RAP1GAP2: variants seen among roughly 807,000 people sequenced by gnomAD.
RAP1GAP2 encodes the protein rap1 GTPase-activating protein 2.
Under a neutral mutation model 95.0 loss-of-function variants are expected in RAP1GAP2, and 27 were observed. That is an observed-to-expected ratio of 0.28 (90% CI 0.21 to 0.39). RAP1GAP2 has a LOEUF of 0.39. Ranked by LOEUF, RAP1GAP2 falls within the 10% of genes least tolerant of loss-of-function variation. The pLI is 1.00. For missense variants in RAP1GAP2, 771 were observed against 970.0 expected (o/e 0.79, Z 2.72); for synonymous variants, 373 against 380.9 (o/e 0.98, Z 0.24).
intron 3 of RAP1GAP2, among the ~76,000 whole-genome samples, chr17:2,937,001 G>A (rs948914374): frequency 3.9e-5 from 6 of 152,226 alleles, no homozygotes; most frequent in African/African-American, 1.4e-4. Context: ...CAGATGAAAT[G>A]GGGGAAACAG....
In RAP1GAP2 at chr17:3,026,934, C is replaced by G. The variant is rs1402029720; in HGVS notation, c.1981-10C>G. On this transcript the variant is annotated splice_polypyrimidine_tract_variant and intron_variant, in intron 21 of 24. Transcript: ENST00000254695. The stretch of plus-strand genomic sequence containing the variant: ...TGGGCTGGCCTCGCTCACCCTGCCT[C>G]TCTCCTCAGGGCAGCCAGCCGTCCA... 1 of 1,550,116 alleles carries G rather than the reference C, an allele frequency of 6.5e-7. No individual in the cohort carries two copies. Among genetic ancestry groups the G allele is most frequent in the Non-Finnish European group, 8.7e-7 (1 of 1,146,260 alleles).
intron 2 of RAP1GAP2, among the ~76,000 whole-genome samples, chr17:2,817,809 C>T (rs1306402924): frequency 8.3e-6 from 1 of 121,212 alleles, no homozygotes; most frequent in African/African-American, 2.7e-5. Flanking sequence ...GCATGAGCCA[C>T]TGCGTCTGGC....
At chr17:2,771,489 T>TG (rs1370418841) in intron 2 of RAP1GAP2, among the ~76,000 whole-genome samples, 7 of 149,966 alleles carry the variant, frequency 4.7e-5, no homozygotes, top group East Asian at 1.9e-4. Flanking sequence ...CTTTTTTGTT[T>TG]TTTTTTTTTG....
chr17:2,963,284 G>C lies in RAP1GAP2; in HGVS notation c.247-146G>C. The C allele has an allele frequency of 1.1e-6, 1 of 903,382 alleles. No homozygotes were observed. Among genetic ancestry groups the C allele is most frequent in the Non-Finnish European group, 1.8e-6 (1 of 550,768 alleles). 56.0% of individuals were successfully genotyped at this position (903,382 alleles called of 1,614,324 possible). ...AGAACATGGGGGATGTTAGATTCCA[G>C]AGCTGATTCTGAGCTGTTCTTCCAT... On this transcript the variant is annotated intron_variant, in intron 5 of 24. Transcript: ENST00000254695. The surrounding 1 kb of genome is among the most constrained non-coding windows in gnomAD (Gnocchi z 4.8).
rs1225185208 is a variant in RAP1GAP2, at chr17:2,855,431, G to T, written c.81-49853G>T. The stretch of plus-strand genomic sequence containing the variant: ...AAGAGAGAGCAGACCTCCGGCTCCC[G>T]GTCCTCTGAGTGGGGAACAGTTGCC... On this transcript the variant is annotated intron_variant, in intron 2 of 24. Coordinates refer to ENST00000254695, the MANE Select transcript of RAP1GAP2 (RefSeq NM_015085.5). This position sits in a 1 kb window ranked among gnomAD's most constrained non-coding sequence, Gnocchi z 4.3. Among the ~76,000 whole-genome samples the T allele has an allele frequency of 1.3e-5, 2 of 152,070 alleles. No individual in the cohort carries two copies. Among genetic ancestry groups the T allele is most frequent in the East Asian group, 3.8e-4 (2 of 5,198 alleles).
At chr17:2,962,079 T>G (rs1388896751) in intron 4 of RAP1GAP2, among the ~76,000 whole-genome samples, 1 of 152,002 alleles carries the variant, frequency 6.6e-6, no homozygotes, top group Non-Finnish European at 1.5e-5. Flanking sequence ...ATTTTGTATT[T>G]TTAGTAGAGA....
At chr17:2,919,423 C>T (rs1225428338) in intron 3 of RAP1GAP2, among the ~76,000 whole-genome samples, 4 of 152,180 alleles carry the variant, frequency 2.6e-5, no homozygotes, top group African/African-American at 4.8e-5. Context: ...CCAAGGCTGG[C>T]GTTGGAATGA....
chr17:3,031,801 G>A (rs1208022411), intron 23 of RAP1GAP2, among the ~76,000 whole-genome samples: 1 of 139,692 alleles, frequency 7.2e-6, no homozygotes, highest in Admixed American at 7.1e-5. Context: ...GAGGTGGGAA[G>A]GGCTGGTTCC....
chr17:2,904,739 C>A lies in RAP1GAP2; in HGVS notation c.81-545C>A, dbSNP rs1466877268. Among the ~76,000 whole-genome samples, 1 of 152,090 alleles carries A rather than the reference C, an allele frequency of 6.6e-6. No individual in the cohort carries two copies. The highest frequency in any genetic ancestry group is 1.5e-5 in the Non-Finnish European group (1 of 68,016). ...GGTTCCTGGGCTCATCACTGGAGAGCCTGGTGTGCACCTGCAAATGTGCAT... is the reference window on the plus strand; with the variant it reads ...GGTTCCTGGGCTCATCACTGGAGAGACTGGTGTGCACCTGCAAATGTGCAT... On this transcript the variant is annotated intron_variant, in intron 2 of 24. Transcript: ENST00000254695. The surrounding 1 kb of genome is among the most constrained non-coding windows in gnomAD (Gnocchi z 4.7).
At chr17:3,022,116 G>A (rs141219053) in intron 19 of RAP1GAP2, among the ~76,000 whole-genome samples, 2,478 of 152,312 alleles carry the variant, frequency 0.016, 30 homozygotes, top group Non-Finnish European at 0.024. Flanking sequence ...AACACTGTGA[G>A]CATTTCCCTT....
chr17:2,950,279 T>C (rs8064697), intron 3 of RAP1GAP2, among the ~76,000 whole-genome samples: 137,361 of 152,010 alleles, frequency 0.9, 63,298 homozygotes, highest in Non-Finnish European at 1. Context: ...CTCAAACTCC[T>C]GGCCTTAGGT....
chr17:2,792,499 G>A (rs1346700194), upstream of RAP1GAP2, among the ~76,000 whole-genome samples: 6 of 152,190 alleles, frequency 3.9e-5, no homozygotes, highest in Non-Finnish European at 8.8e-5. Context: ...AAAGGCCCTA[G>A]GAAGACTCTC....
chr17:2,980,260 T>A, intron 8 of RAP1GAP2, 27 bp from the exon 9 acceptor site: 1 of 1,611,446 alleles, frequency 6.2e-7, no homozygotes, highest in East Asian at 2.2e-5. Flanking sequence ...TTCTTAGGGA[T>A]GTCCTTTTTT....
At chr17:2,978,534 A>T (rs1051098148) in intron 8 of RAP1GAP2, among the ~76,000 whole-genome samples, 5 of 152,134 alleles carry the variant, frequency 3.3e-5, no homozygotes, top group African/African-American at 1.2e-4. Flanking sequence ...AAAACTTATG[A>T]ATTATTTCTG....
At chr17:2,886,766 C>A (rs1055866577) in intron 2 of RAP1GAP2, among the ~76,000 whole-genome samples, 1 of 152,134 alleles carries the variant, frequency 6.6e-6, no homozygotes, top group African/African-American at 2.4e-5. Flanking sequence ...GCTCAGCACA[C>A]CAGAGCGGCA....
chr17:2,789,983 T>C (rs2068882548), intron 1 of RAP1GAP2, among the ~76,000 whole-genome samples: 1 of 152,140 alleles, frequency 6.6e-6, no homozygotes, highest in South Asian at 2.1e-4. Context: ...TGTAAATCAC[T>C]ATGCAGATGC....
intron 3 of RAP1GAP2, among the ~76,000 whole-genome samples, chr17:2,918,246 C>T (rs2042632067): frequency 6.6e-6 from 1 of 151,274 alleles, no homozygotes; most frequent in Non-Finnish European, 1.5e-5. Context: ...CCAGCCTGGC[C>T]AATATGGTGA....
chr17:2,886,182 T>TC (rs2073497715), intron 2 of RAP1GAP2, among the ~76,000 whole-genome samples: 1 of 147,946 alleles, frequency 6.8e-6, no homozygotes, highest in African/African-American at 2.5e-5. Flanking sequence ...TTTTTTTTTT[T>TC]TTTTTTTTGA....
At chr17:2,884,811 C>T (rs1273953419) in intron 2 of RAP1GAP2, among the ~76,000 whole-genome samples, 2 of 152,178 alleles carry the variant, frequency 1.3e-5, no homozygotes, top group Admixed American at 6.5e-5. Flanking sequence ...TGATCTTCCT[C>T]ACGGAACTGT....
Sources: gnomAD v4.1 joint callset for allele counts (sites outside exome capture counted in the v4.1 genomes callset) on GRCh38, gnomAD v4.1.1 for gene constraint, Gnocchi (gnomAD v3.1) non-coding constraint, MANE v1.5 for transcripts, NCBI Gene and HGNC (gene_info 2026-07-23, HGNC 2026-07-21) for gene names.